The following GRIA3 variants were observed in gnomAD, a reference collection of about 807,000 sequenced individuals.
The protein encoded by GRIA3 is glutamate ionotropic receptor AMPA type subunit 3, also known as glutamate receptor 3.
Under a neutral mutation model 63.0 loss-of-function variants are expected in GRIA3, and 3 were observed. The observed-to-expected ratio is 0.05, with a 90% CI of 0.02 to 0.12. The LOEUF (loss-of-function observed/expected upper bound fraction) is 0.12, where lower values mean the gene tolerates loss of function less well. Among genes scored for constraint, GRIA3 ranks in the 10% least tolerant of loss-of-function variants. The pLI is 1.00. For missense variants in GRIA3, 347 were observed against 700.9 expected (o/e 0.50, Z 5.70); for synonymous variants, 274 against 257.9 (o/e 1.06, Z -0.60).
chrX:123,403,125 G>T, intron 8 of GRIA3, 27 bp downstream of exon 8: 1 of 789,564 alleles, frequency 1.3e-6, no homozygotes, highest in South Asian at 2.1e-5. Flanking sequence ...GACATTTAAA[G>T]AAAAGGACTC....
At chrX:123,242,953 C>T (rs1260324181) in intron 2 of GRIA3, among the ~76,000 whole-genome samples, 1 of 112,267 alleles carries the variant, frequency 8.9e-6, no homozygotes, top group African/African-American at 3.2e-5. Flanking sequence ...AAGTCATAAG[C>T]ACTTTACACA....
At chrX:123,278,177 G>C (rs904719121) in intron 3 of GRIA3, among the ~76,000 whole-genome samples, 15 of 111,938 alleles carry the variant, frequency 1.3e-4, no homozygotes, top group African/African-American at 4.2e-4. Flanking sequence ...TTCTACTCTT[G>C]AGAGTGCAGG....
intron 2 of GRIA3, chrX:123,204,801 C>A (rs1927842282): frequency 1.3e-5 from 4 of 316,157 alleles, no homozygotes; most frequent in Middle Eastern, 1.3e-3. Context: ...TGAATGTCAG[C>A]TTTGACCTGG....
At chrX:123,216,799 C>T (rs1928169359) in intron 2 of GRIA3, among the ~76,000 whole-genome samples, 1 of 111,760 alleles carries the variant, frequency 8.9e-6, no homozygotes, top group African/African-American at 3.3e-5. Flanking sequence ...TTTTCTCCCC[C>T]TGATTTTCTT....
chrX:123,260,511 AGAAAGAAAGAAAGAAAG>A (rs1238772361), intron 3 of GRIA3, among the ~76,000 whole-genome samples: 3 of 57,082 alleles, frequency 5.3e-5, no homozygotes, highest in Admixed American at 2.0e-4. Flanking sequence ...AAAGAAAGAA[AGAAAGAAAGAAAGAAAG>A]GAAAGAAAGA....
At chrX:123,294,055 T>TAAAAA (rs10633680) in intron 3 of GRIA3, among the ~76,000 whole-genome samples, 40 of 103,199 alleles carry the variant, frequency 3.9e-4, no homozygotes, top group African/African-American at 1.2e-3. Flanking sequence ...TCCTTGCTAA[T>TAAAAA]AAAAAAAAAA....
At chrX:123,438,925 G>A (rs1255594447) in intron 12 of GRIA3, among the ~76,000 whole-genome samples, 2 of 112,537 alleles carry the variant, frequency 1.8e-5, no homozygotes, top group African/African-American at 6.5e-5. Flanking sequence ...TTCTGCTTCA[G>A]TAGGAAGAGG....
At chrX:123,456,328 A>T (rs1170463522) in intron 12 of GRIA3, among the ~76,000 whole-genome samples, 3 of 110,908 alleles carry the variant, frequency 2.7e-5, no homozygotes, top group Non-Finnish European at 5.7e-5. Flanking sequence ...TGGAAATATA[A>T]AGTTTAAAGA....
rs776766321 is a variant in GRIA3 at position 123,364,892 on chromosome X, G to A, written c.750+9929G>A. Among the ~76,000 whole-genome samples the A allele has an allele frequency of 3.6e-5, 4 of 112,447 alleles. No individual in the cohort carries two copies. In the South Asian group the frequency reaches 1.1e-3, roughly 31 times the overall value. On this transcript the variant is annotated intron_variant, in intron 5 of 15. Coordinates refer to ENST00000620443, the MANE Select transcript of GRIA3 (RefSeq NM_007325.5). ...AAAGACAAATACCACGTGATCTCAC[G>A]TATATGTGGAATCTTAAAACGTTGA...
chrX:123,261,464 A>C (rs138728251), intron 3 of GRIA3, among the ~76,000 whole-genome samples: 145 of 112,042 alleles, frequency 1.3e-3, no homozygotes, highest in African/African-American at 4.4e-3. Flanking sequence ...GATTAATTTT[A>C]ATGTATTTTT....
At chrX:123,388,570 A>G (rs983547949) in intron 5 of GRIA3, among the ~76,000 whole-genome samples, 36 of 112,024 alleles carry the variant, frequency 3.2e-4, no homozygotes, top group Admixed American at 8.5e-4. Flanking sequence ...CTGTGGTATC[A>G]ATTGTAATGT....
chrX:123,397,886 T>C (rs1482735796), intron 6 of GRIA3, among the ~76,000 whole-genome samples: 1 of 112,231 alleles, frequency 8.9e-6, no homozygotes, highest in Non-Finnish European at 1.9e-5. Context: ...CATTTCAAAT[T>C]GCAGATAATC....
intron 3 of GRIA3, among the ~76,000 whole-genome samples, chrX:123,301,842 C>T (rs2044725171): frequency 8.9e-6 from 1 of 111,955 alleles, no homozygotes; most frequent in South Asian, 3.7e-4. Context: ...TGGGCCCACA[C>T]AAGTATTAGG....
intron 12 of GRIA3, among the ~76,000 whole-genome samples, chrX:123,432,703 A>T (rs755535313): frequency 1.8e-4 from 20 of 112,555 alleles, no homozygotes; most frequent in African/African-American, 4.8e-4. Context: ...ACCGTTGAAG[A>T]TACTAGTCAC....
chrX:123,350,978 T>C (rs1457825771), intron 4 of GRIA3, among the ~76,000 whole-genome samples: 1 of 112,404 alleles, frequency 8.9e-6, no homozygotes, highest in East Asian at 2.8e-4. Flanking sequence ...CAACAAATCT[T>C]ACAAAAGCAA....
chrX:123,433,055 T>C (rs1288355550), intron 12 of GRIA3, among the ~76,000 whole-genome samples: 1 of 111,957 alleles, frequency 8.9e-6, no homozygotes, highest in African/African-American at 3.2e-5. Flanking sequence ...CTCAAAACTT[T>C]CTGATTTTAT....
rs753676315 is a variant in GRIA3, at chrX:123,406,759, TAAGA to T, written c.1500+1850_1500+1853del. 7.0e-4 allele frequency among the ~76,000 whole-genome samples: 78 copies of T among 111,335 alleles called. 2 individuals carry two copies. Among genetic ancestry groups the T allele is most frequent in the African/African-American group, 2.2e-3 (68 of 30,652 alleles). Reference sequence around the variant, plus strand: ...GATGAGATTCAAGTGAATCCAGCAGTAAGAAAGAGAAGAATTTCCAACACCAGTG... The same window carrying T: ...GATGAGATTCAAGTGAATCCAGCAGTAAGAGAAGAATTTCCAACACCAGTG... On this transcript the variant is annotated intron_variant, in intron 10 of 15. Transcript: ENST00000620443.
At chrX:123,484,583 C>T (rs2045931646) in intron 15 of GRIA3, among the ~76,000 whole-genome samples, 1 of 111,859 alleles carries the variant, frequency 8.9e-6, no homozygotes, top group Non-Finnish European at 1.9e-5. Flanking sequence ...CGGGTTCAAG[C>T]GATTCTCCCG....
intron 5 of GRIA3, among the ~76,000 whole-genome samples, chrX:123,379,626 T>TG (rs1556307678): frequency 1.9e-5 from 2 of 106,675 alleles, no homozygotes; most frequent in Non-Finnish European, 3.9e-5. Flanking sequence ...ACTTGTTTTT[T>TG]TTTTTTTTTT....
Sources: allele counts gnomAD v4.1 joint callset (sites outside exome capture counted in the v4.1 genomes callset), GRCh38; gene constraint gnomAD v4.1.1; transcripts MANE v1.5; gene names NCBI Gene and HGNC (gene_info 2026-07-23, HGNC 2026-07-21).